MALRD1: variants seen among roughly 807,000 people sequenced by gnomAD.
MALRD1 encodes the protein MAM and LDL receptor class A domain containing 1.
A neutral mutation model predicts 242.1 loss-of-function variants in MALRD1; 247 were observed. That is an observed-to-expected ratio of 1.02 (90% confidence interval 0.92 to 1.13). The LOEUF is 1.13. Among genes scored for constraint, MALRD1 ranks in the 50% most tolerant of loss-of-function variants. The pLI, the probability that MALRD1 is intolerant of heterozygous loss-of-function variation, is 0.00. For synonymous variants in MALRD1, 995 were observed against 866.6 expected, an observed-to-expected ratio of 1.15 and a Z score of -2.60; for missense variants, 2,989 against 2,533.1, an observed-to-expected ratio of 1.18 and a Z score of -3.86.
At chr10:19,296,941 C>G (rs971321428) in intron 21 of MALRD1, among the ~76,000 whole-genome samples, 1 of 151,648 alleles carries the variant, frequency 6.6e-6, no homozygotes, top group Non-Finnish European at 1.5e-5. Context: ...TGTTTTCTTC[C>G]TCAGATTGGC....
chr10:19,282,292 C>G (rs553996283), intron 20 of MALRD1, among the ~76,000 whole-genome samples: 1 of 152,156 alleles, frequency 6.6e-6, no homozygotes, highest in Non-Finnish European at 1.5e-5. Flanking sequence ...TCAGATTTCA[C>G]ATTAACTCAT....
intron 29 of MALRD1, among the ~76,000 whole-genome samples, chr10:19,451,605 G>A (rs1053297947): frequency 3.9e-5 from 6 of 152,084 alleles, no homozygotes; most frequent in South Asian, 2.1e-4. Flanking sequence ...AAGTCCCCGC[G>A]ACTAAAAGAG....
At chr10:19,125,011 T>A (rs1456240270) in intron 7 of MALRD1, among the ~76,000 whole-genome samples, 2 of 117,304 alleles carry the variant, frequency 1.7e-5, no homozygotes, top group African/African-American at 3.3e-5. Flanking sequence ...AGTGGTGAGA[T>A]CTCGGCCCAC....
At chr10:19,113,786 A>T (rs1266730802) in intron 5 of MALRD1, among the ~76,000 whole-genome samples, 1 of 116,902 alleles carries the variant, frequency 8.6e-6, no homozygotes, top group Non-Finnish European at 1.8e-5. Flanking sequence ...TGCCACTACC[A>T]CCCCCTACAC....
chr10:19,181,528 G>A (rs1476200450), intron 14 of MALRD1, among the ~76,000 whole-genome samples: 1 of 152,288 alleles, frequency 6.6e-6, no homozygotes, highest in Non-Finnish European at 1.5e-5. Context: ...GAATGAAACA[G>A]TGGTTACCAG....
chr10:19,111,414 C>T (rs1836676444), intron 5 of MALRD1, among the ~76,000 whole-genome samples: 2 of 152,140 alleles, frequency 1.3e-5, no homozygotes, highest in South Asian at 2.1e-4. Flanking sequence ...TGTTAAGACT[C>T]ATTTATTGTC....
At chr10:19,134,013 T>G (rs1488904825) in intron 9 of MALRD1, 65 bp downstream of exon 9, 3 of 788,116 alleles carry the variant, frequency 3.8e-6, no homozygotes, top group Non-Finnish European at 5.1e-6. Context: ...CAGTAATAAA[T>G]TGACCATGCA....
intron 24 of MALRD1, among the ~76,000 whole-genome samples, chr10:19,340,752 T>C (rs958762927): frequency 1.3e-5 from 2 of 152,158 alleles, no homozygotes; most frequent in Non-Finnish European, 2.9e-5. Flanking sequence ...TCCCACTGGA[T>C]GAAATGTGCT....
rs192048251 is a variant in MALRD1 at position 19,589,819 on chromosome 10, G to T, written c.5681-5375G>T. ...TGATGGTACTCTTTGGGGTATATGC[G>T]AATGACACTATCAACACAGAATGTG... On this transcript the variant is annotated intron_variant, in intron 33 of 39. Coordinates refer to ENST00000454679, the MANE Select transcript of MALRD1 (RefSeq NM_001142308.3). Among the ~76,000 whole-genome samples, 18 of 152,174 alleles carry T rather than the reference G, an allele frequency of 1.2e-4. 1 individual carries two copies. The highest frequency in any genetic ancestry group is 1.2e-3 in the Admixed American group (18 of 15,282).
At chr10:19,228,691 A>G (rs1481615520) in intron 18 of MALRD1, among the ~76,000 whole-genome samples, 3 of 152,108 alleles carry the variant, frequency 2.0e-5, no homozygotes, top group Non-Finnish European at 4.4e-5. Flanking sequence ...ACACATTTCA[A>G]TTAGAACACT....
chr10:19,482,092 CTTA>C (rs1464349226), intron 29 of MALRD1, among the ~76,000 whole-genome samples: 9 of 151,800 alleles, frequency 5.9e-5, no homozygotes, highest in Non-Finnish European at 1.2e-4. Context: ...AGTGATTATT[CTTA>C]TTATTCTCGT....
intron 31 of MALRD1, among the ~76,000 whole-genome samples, chr10:19,527,401 T>C (rs1363777147): frequency 6.6e-6 from 1 of 152,180 alleles, no homozygotes; most frequent in Non-Finnish European, 1.5e-5. Flanking sequence ...GAGGAATACA[T>C]TTACATAAAT....
chr10:19,620,656 G>T (rs79776830), intron 36 of MALRD1, among the ~76,000 whole-genome samples: 1 of 151,936 alleles, frequency 6.6e-6, no homozygotes, highest in East Asian at 1.9e-4. Flanking sequence ...TTTGAAGACC[G>T]TGGGCCAAGA....
At chr10:19,387,007 A>G (rs995305013) in intron 26 of MALRD1, among the ~76,000 whole-genome samples, 17 of 152,148 alleles carry the variant, frequency 1.1e-4, no homozygotes, top group African/African-American at 4.1e-4. Flanking sequence ...TTAGAGAAAA[A>G]TCTGTTGTAG....
intron 21 of MALRD1, among the ~76,000 whole-genome samples, chr10:19,309,322 ATC>A (rs1406133647): frequency 6.6e-6 from 1 of 151,490 alleles, no homozygotes; most frequent in African/African-American, 2.4e-5. Flanking sequence ...AATTTATAGT[ATC>A]TCTTTTATTT....
rs1835259166 is a variant in MALRD1 at position 19,450,426 on chromosome 10, C to G, written c.4965C>G (p.Ile1655Met). The G allele has an allele frequency of 6.4e-7, 1 of 1,550,546 alleles. No homozygotes were observed. Among genetic ancestry groups the G allele is most frequent in the South Asian group, 1.2e-5 (1 of 84,050 alleles). The change falls in exon 29 of 40, where the codon ATC becomes ATG. Residue 1655 changes from isoleucine (I) to methionine (M), a missense_variant. Physicochemically the swap from Ile to Met is conservative, Grantham distance 10. Transcript: ENST00000454679. ...ATTTTGAAGTCATATTTCAAGGTATCAGAACAAGGGACCTGGGAGGAGGAG... is the reference window on the plus strand; with the variant it reads ...ATTTTGAAGTCATATTTCAAGGTATGAGAACAAGGGACCTGGGAGGAGGAG... ...LRNFEVIFQG[I>M]RTRDLGGGAA...
intron 21 of MALRD1, among the ~76,000 whole-genome samples, chr10:19,297,236 G>A (rs1185062725): frequency 6.6e-6 from 1 of 151,536 alleles, no homozygotes; most frequent in African/African-American, 2.4e-5. Context: ...GATCTCATTA[G>A]AAATATACAA....
At chr10:19,715,384 A>G (rs1834336456) in intron 38 of MALRD1, among the ~76,000 whole-genome samples, 2 of 150,546 alleles carry the variant, frequency 1.3e-5, no homozygotes, top group Admixed American at 1.3e-4. Context: ...GTATATTTAA[A>G]GTATATATAT....
chr10:19,164,963 A>G (rs1834610717), intron 12 of MALRD1, among the ~76,000 whole-genome samples: 2 of 152,120 alleles, frequency 1.3e-5, no homozygotes, highest in African/African-American at 4.8e-5. Flanking sequence ...TAATGCTACC[A>G]CAGAGACTAA....
Sources: allele counts gnomAD v4.1 joint callset (sites outside exome capture counted in the v4.1 genomes callset), GRCh38; gene constraint gnomAD v4.1.1; transcripts MANE v1.5; gene names NCBI Gene and HGNC (gene_info 2026-07-23, HGNC 2026-07-21).